Variants in TRIM72 observed in about 807,000 individuals in gnomAD.
TRIM72 encodes the protein tripartite motif containing 72.
TRIM72 carries 33 observed loss-of-function variants against 31.6 expected under a neutral mutation model. That is an observed-to-expected ratio of 1.04 (90% CI 0.79 to 1.40). The LOEUF is 1.40. Among genes scored for constraint, TRIM72 ranks in the 40% most tolerant of loss-of-function variants. The pLI, the probability that TRIM72 is intolerant of heterozygous loss-of-function variation, is 0.00. For missense variants in TRIM72, 666 were observed against 682.7 expected (o/e 0.98, Z 0.27); for synonymous variants, 301 against 314.4 (o/e 0.96, Z 0.45).
rs776690440 is a variant in TRIM72 at position 31,214,910 on chromosome 16, G to T, written c.172G>T (p.Ala58Ser). ...DGTVLCPCCQAPTRPQALSTN... is the reference protein window; with the variant it reads ...DGTVLCPCCQSPTRPQALSTN... The stretch of plus-strand genomic sequence containing the variant: ...CACCGTTCTCTGCCCCTGCTGCCAG[G>T]CCCCCACGCGGCCGCAGGCACTCAG... The change falls in exon 2 of 7, where the codon GCC becomes TCC. Residue 58 changes from alanine (A) to serine (S), a missense_variant. Coordinates refer to ENST00000322122, the MANE Select transcript of TRIM72 (RefSeq NM_001008274.4). The T allele has an allele frequency of 1.3e-6, 2 of 1,515,074 alleles. No homozygotes were observed. Among genetic ancestry groups the T allele is most frequent in the Non-Finnish European group, 1.8e-6 (2 of 1,139,134 alleles). 93.9% of individuals were successfully genotyped at this position (1,515,074 alleles called of 1,614,324 possible).
chr16:31,222,501 A>G (rs1460738632), intron 5 of TRIM72, among the ~76,000 whole-genome samples: 2 of 5,364 alleles, frequency 3.7e-4, no homozygotes, highest in African/African-American at 5.3e-4. Flanking sequence ...TTTTTTTTAG[A>G]CAGGATCTTG....
chr16:31,217,020 C>T (rs1451902456), intron 2 of TRIM72: 2 of 1,612,112 alleles, frequency 1.2e-6, no homozygotes, highest in East Asian at 2.2e-5. Context: ...CCTCGCGCTT[C>T]GTTCCCATGG....
rs1596946623 is a variant in TRIM72, at chr16:31,229,658, G to A, written c.*4903G>A. On this transcript the variant is annotated 3_prime_UTR_variant, in exon 7 of 7. Coordinates refer to ENST00000322122, the MANE Select transcript of TRIM72 (RefSeq NM_001008274.4). ...TCTAAAGCACCAGCGTCCCCTCCGTGAGTCCCTCCTCTCCACGGGAACGCT... is the reference window on the plus strand; with the variant it reads ...TCTAAAGCACCAGCGTCCCCTCCGTAAGTCCCTCCTCTCCACGGGAACGCT... 1 of 152,222 alleles carries A rather than the reference G, an allele frequency of 6.6e-6. No individual in the cohort carries two copies. The allele number at this position is 152,222 out of a possible 1,614,324, so 9.4% of individuals were successfully genotyped here.
At chr16:31,217,775 C>G (rs1273036193) in intron 2 of TRIM72, among the ~76,000 whole-genome samples, 1 of 152,088 alleles carries the variant, frequency 6.6e-6, no homozygotes, top group Admixed American at 6.6e-5. Flanking sequence ...CCACAGCGCC[C>G]AGGTAATTTT....
In TRIM72 at chr16:31,215,422, G is replaced by A. The variant is rs2079503428; in HGVS notation, c.390+294G>A. ...CTGGAGATGGGCGGGCGGAGCCCCAGGGCGGGTCTGATGGGCCGGGCGGAG... is the reference window on the plus strand; with the variant it reads ...CTGGAGATGGGCGGGCGGAGCCCCAAGGCGGGTCTGATGGGCCGGGCGGAG... On this transcript the variant is annotated intron_variant, in intron 2 of 6. Transcript: ENST00000322122. This position sits in a 1 kb window ranked among gnomAD's most constrained non-coding sequence, Gnocchi z 6.3. 6.6e-6 allele frequency among the ~76,000 whole-genome samples: 1 copy of A among 152,172 alleles called. No individual in the cohort carries two copies. The highest frequency in any genetic ancestry group is 1.5e-5 in the Non-Finnish European group (1 of 68,028).
Position 31,224,760 on chromosome 16 carries a change from C to T in TRIM72, c.*5C>T, listed in dbSNP as rs1273329541. On this transcript the variant is annotated 3_prime_UTR_variant, in exon 7 of 7. Coordinates refer to ENST00000322122, the MANE Select transcript of TRIM72 (RefSeq NM_001008274.4). Reference sequence around the variant, plus strand: ...CCCGAAGGCGCCGAGGCCTGAGCCGCCGGACGGGTAGTGGAGGGGCGCGGG... The same window carrying T: ...CCCGAAGGCGCCGAGGCCTGAGCCGTCGGACGGGTAGTGGAGGGGCGCGGG... 2 of 1,468,262 alleles carry T rather than the reference C, an allele frequency of 1.4e-6. No individual in the cohort carries two copies. Among genetic ancestry groups the T allele is most frequent in the Admixed American group, 4.9e-5 (2 of 40,898 alleles). 91.0% of individuals were successfully genotyped at this position (1,468,262 alleles called of 1,614,324 possible).
intron 2 of TRIM72, among the ~76,000 whole-genome samples, chr16:31,217,626 T>G (rs1267787213): frequency 2.6e-5 from 4 of 151,572 alleles, no homozygotes; most frequent in Non-Finnish European, 4.4e-5. Flanking sequence ...TTTTTTTTTT[T>G]TTTTTTGAAA....
Position 31,227,945 on chromosome 16 carries a change from CTTTTA to C in TRIM72, c.*3198_*3202del, listed in dbSNP as rs934223889. The C allele has an allele frequency of 7.2e-5, 11 of 152,172 alleles. No homozygotes were observed. The highest frequency in any genetic ancestry group is 2.7e-4 in the African/African-American group (11 of 41,484). The allele number at this position is 152,172 out of a possible 1,614,324, so 9.4% of individuals were successfully genotyped here. On this transcript the variant is annotated 3_prime_UTR_variant, in exon 7 of 7. Coordinates refer to ENST00000322122, the MANE Select transcript of TRIM72 (RefSeq NM_001008274.4). Reference sequence around the variant, plus strand: ...GCCACTGAGCCCAGCCCAGCTTCATCTTTTATTTTATTATTATTTTTTGAGATGGA... The same window carrying C: ...GCCACTGAGCCCAGCCCAGCTTCATCTTTTATTATTATTTTTTGAGATGGA...
chr16:31,214,565 C>T (rs151039774), intron 1 of TRIM72, among the ~76,000 whole-genome samples, 167 bp from the exon 2 acceptor site: 1 of 152,308 alleles, frequency 6.6e-6, no homozygotes, highest in East Asian at 1.9e-4. Flanking sequence ...CCGAGTTCCT[C>T]TTTCCCCTTG....
In TRIM72 at chr16:31,215,081, C is replaced by T. The variant is rs1221422076; in HGVS notation, c.343C>T (p.Arg115Cys). The change falls in exon 2 of 7, where the codon CGC (arginine) becomes TGC (cysteine). Residue 115 changes from arginine to cysteine, a missense_variant. Coordinates refer to ENST00000322122, the MANE Select transcript of TRIM72 (RefSeq NM_001008274.4). The surrounding 1 kb of genome is among the most constrained non-coding windows in gnomAD (Gnocchi z 6.3). ...CGVCASLGSH[R>C]GHRLLPAAEA... Reference sequence around the variant, plus strand: ...AGTGTGCGCCTCACTCGGCTCGCACCGCGGTCATCGCCTCCTGCCTGCCGC... The same window carrying T: ...AGTGTGCGCCTCACTCGGCTCGCACTGCGGTCATCGCCTCCTGCCTGCCGC... 2.4e-5 allele frequency: 35 copies of T among 1,452,998 alleles called. No homozygotes were observed. The highest frequency in any genetic ancestry group is 2.9e-5 in the Non-Finnish European group (32 of 1,112,662). The allele number at this position is 1,452,998 out of a possible 1,614,324, so 90.0% of individuals were successfully genotyped here.
chr16:31,220,202 T>G (rs947461877), intron 4 of TRIM72, among the ~76,000 whole-genome samples: 6 of 151,924 alleles, frequency 3.9e-5, no homozygotes, highest in Non-Finnish European at 7.4e-5. Flanking sequence ...CTTACCTGGC[T>G]AGTTTTTGTA....
rs752721988 is a variant in TRIM72, at chr16:31,226,999, C to G, written c.*2244C>G. 6.6e-6 allele frequency: 1 copy of G among 152,274 alleles called. No individual in the cohort carries two copies. Among genetic ancestry groups the G allele is most frequent in the Non-Finnish European group, 1.5e-5 (1 of 68,104 alleles). The allele number at this position is 152,274 out of a possible 1,614,324, so 9.4% of individuals were successfully genotyped here. ...GATCTGGCAGGGGAAGGCGGCACACCTGGGTGTGTCTCCCAGAGGAAGGCC... is the reference window on the plus strand; with the variant it reads ...GATCTGGCAGGGGAAGGCGGCACACGTGGGTGTGTCTCCCAGAGGAAGGCC... On this transcript the variant is annotated 3_prime_UTR_variant, in exon 7 of 7. Transcript: ENST00000322122.
chr16:31,216,718 G>A lies in TRIM72; in HGVS notation c.390+1590G>A. On this transcript the variant is annotated intron_variant, in intron 2 of 6. Transcript: ENST00000322122. This position sits in a 1 kb window ranked among gnomAD's most constrained non-coding sequence, Gnocchi z 6.7. ...ACGCGTGGGTCCTTGGCGAGGAAGC[G>A]GGGTTGGGTCCCGAGATCACGTACC... is the stretch of plus-strand genomic sequence containing the variant. The A allele has an allele frequency of 1.3e-6, 2 of 1,566,478 alleles. No homozygotes were observed. The highest frequency in any genetic ancestry group is 1.7e-6 in the Non-Finnish European group (2 of 1,152,538).
intron 5 of TRIM72, among the ~76,000 whole-genome samples, 177 bp from the exon 6 acceptor site, chr16:31,222,650 T>C (rs996886236): frequency 2.6e-5 from 4 of 152,140 alleles, no homozygotes; most frequent in Admixed American, 1.3e-4. Flanking sequence ...TGGTGCTAAG[T>C]ACATTCACAT....
At chr16:31,221,873 A>G (rs921543938) in intron 5 of TRIM72, among the ~76,000 whole-genome samples, 6 of 138,384 alleles carry the variant, frequency 4.3e-5, no homozygotes, top group South Asian at 4.9e-4. Flanking sequence ...AGGGCATTGC[A>G]GGGAAAAGGG....
Position 31,215,114 on chromosome 16 carries a change from C to T in TRIM72, c.376C>T (p.His126Tyr). 1 of 1,445,102 alleles carries T rather than the reference C, an allele frequency of 6.9e-7. No individual in the cohort carries two copies. The highest frequency in any genetic ancestry group is 1.5e-5 in the South Asian group (1 of 68,566). 89.5% of individuals were successfully genotyped at this position (1,445,102 alleles called of 1,614,324 possible). ...TCGCCTCCTGCCTGCCGCCGAGGCC[C>T]ACGCACGCCTCAAGGTGCGGGATCC... ...GHRLLPAAEAHARLKTQLPQQ... is the reference protein window; with the variant it reads ...GHRLLPAAEAYARLKTQLPQQ... Residue 126 changes from histidine (H) to tyrosine (Y), a missense_variant, in exon 2 of 7, where the codon CAC becomes TAC. By Grantham distance (83) the His-to-Tyr change is moderately conservative. Transcript: ENST00000322122. This position sits in a 1 kb window ranked among gnomAD's most constrained non-coding sequence, Gnocchi z 6.3.
Position 31,218,993 on chromosome 16 carries a change from G to A in TRIM72, c.391-102G>A, listed in dbSNP as rs1330436317. 8.5e-6 allele frequency: 9 copies of A among 1,061,974 alleles called. No individual in the cohort carries two copies. The Admixed American group carries it at 1.8e-4, about 22-fold the overall frequency. The allele number at this position is 1,061,974 out of a possible 1,614,324, so 65.8% of individuals were successfully genotyped here. A position where few individuals can be genotyped will look rare whatever the true frequency, so the allele number is the denominator to read the frequency against. On this transcript the variant is annotated intron_variant, in intron 2 of 6. Transcript: ENST00000322122. ...GGGGATGGGAAGATGGCTGGAGGAG[G>A]AGCTGGCATTGAGGTTGAGCCACAG...
At chr16:31,214,640 G>A in intron 1 of TRIM72, 92 bp from the exon 2 acceptor site, 1 of 1,318,516 alleles carries the variant, frequency 7.6e-7, no homozygotes, top group Non-Finnish European at 9.8e-7. Flanking sequence ...TCCCTGCGGG[G>A]CGGCGGGCCC....
Position 31,219,580 on chromosome 16 carries a change from T to A in TRIM72, c.717+61T>A. The A allele has an allele frequency of 1.4e-6, 2 of 1,470,292 alleles. No homozygotes were observed. Among genetic ancestry groups the A allele is most frequent in the Non-Finnish European group, 1.9e-6 (2 of 1,079,468 alleles). 91.1% of individuals were successfully genotyped at this position (1,470,292 alleles called of 1,614,324 possible). ...CCCTGCTCAGGGCCCAGAGACCTCA[T>A]CCCATTGTCAGATAGGCCCAGAGAG... On this transcript the variant is annotated intron_variant, in intron 4 of 6. Transcript: ENST00000322122. The surrounding 1 kb of genome is among the most constrained non-coding windows in gnomAD (Gnocchi z 4.2).
Sources: allele counts gnomAD v4.1 joint callset (sites outside exome capture counted in the v4.1 genomes callset), GRCh38; gene constraint gnomAD v4.1.1; non-coding constraint Gnocchi (gnomAD v3.1); transcripts MANE v1.5; gene names NCBI Gene and HGNC (gene_info 2026-07-23, HGNC 2026-07-21).